PTPRG: variants seen among roughly 807,000 people sequenced by gnomAD.
The protein encoded by PTPRG is receptor-type tyrosine-protein phosphatase gamma.
PTPRG carries 102 observed loss-of-function variants against 165.3 expected under a neutral mutation model. The ratio of observed to expected loss-of-function variants is 0.62; its 90% CI spans 0.53 to 0.73. The LOEUF (loss-of-function observed/expected upper bound fraction) is 0.73. PTPRG is among the 30% of genes least tolerant of loss of function. The pLI is 0.00. For missense variants in PTPRG, 1,866 were observed against 1,861.4 expected (o/e 1.00, Z -0.05); for synonymous variants, 675 against 669.5 (o/e 1.01, Z -0.13).
intron 6 of PTPRG, among the ~76,000 whole-genome samples, chr3:62,149,499 C>T (rs1051761976): frequency 6.6e-6 from 1 of 152,148 alleles, no homozygotes; most frequent in African/African-American, 2.4e-5. Context: ...AACTCCTGAC[C>T]TCAGGTGACC....
chr3:62,087,401 C>T (rs924551197), intron 5 of PTPRG, among the ~76,000 whole-genome samples: 9 of 152,208 alleles, frequency 5.9e-5, no homozygotes, highest in African/African-American at 1.7e-4. Flanking sequence ...GTTCTTACCT[C>T]TCTTTCCTCC....
intron 2 of PTPRG, among the ~76,000 whole-genome samples, chr3:61,833,984 A>G (rs1008703435): frequency 9.9e-5 from 15 of 152,222 alleles, no homozygotes; most frequent in Non-Finnish European, 1.6e-4. Context: ...ATTGGCTTCA[A>G]TTAGTCACAG....
intron 6 of PTPRG, among the ~76,000 whole-genome samples, chr3:62,135,430 G>T (rs1180704718): frequency 1.3e-5 from 2 of 152,168 alleles, no homozygotes; most frequent in Non-Finnish European, 2.9e-5. Context: ...TGACAGAGAT[G>T]TGTAAAGAGA....
chr3:61,754,141 C>T (rs912844189), intron 2 of PTPRG, among the ~76,000 whole-genome samples: 14 of 152,266 alleles, frequency 9.2e-5, no homozygotes, highest in African/African-American at 3.4e-4. Flanking sequence ...GACCAAAATT[C>T]CCCGTAAGAC....
chr3:62,289,961 A>G (rs913525434), intron 28 of PTPRG, among the ~76,000 whole-genome samples: 3 of 152,140 alleles, frequency 2.0e-5, no homozygotes, highest in African/African-American at 7.2e-5. Flanking sequence ...GCAGATAAAG[A>G]TGTGGTCAAC....
intron 1 of PTPRG, among the ~76,000 whole-genome samples, chr3:61,577,698 C>G (rs532717683): frequency 3.2e-4 from 48 of 152,254 alleles, no homozygotes; most frequent in African/African-American, 1.0e-3. Context: ...TTTTATCGGA[C>G]GGCACTGGTC....
chr3:62,191,637 A>T lies in PTPRG; in HGVS notation c.1202A>T (p.Asp401Val). The change falls in exon 9 of 30, where the codon GAC (aspartate) becomes GTC (valine). Residue 401 changes from aspartate to valine, a missense_variant. This residue lies in a region of PTPRG where 1,452 missense variants were observed against 1,463.0 expected (regional missense o/e 0.99). Coordinates refer to ENST00000474889, the MANE Select transcript of PTPRG (RefSeq NM_002841.4). Reference protein sequence around the residue: ...EDEKEKTFTKDSDKDLKATIS... With the variant: ...EDEKEKTFTKVSDKDLKATIS... Reference sequence around the variant, plus strand: ...GAGAAGGAGAAGACGTTTACAAAGGACAGCGACAAAGACTTGGTATGAAGC... The same window carrying T: ...GAGAAGGAGAAGACGTTTACAAAGGTCAGCGACAAAGACTTGGTATGAAGC... The T allele has an allele frequency of 6.2e-7, 1 of 1,614,106 alleles. No individual in the cohort carries two copies. The highest frequency in any genetic ancestry group is 8.5e-7 in the Non-Finnish European group (1 of 1,179,984).
intron 1 of PTPRG, among the ~76,000 whole-genome samples, chr3:61,702,806 G>T (rs547098123): frequency 3.3e-5 from 5 of 152,164 alleles, no homozygotes; most frequent in Admixed American, 2.6e-4. Flanking sequence ...AAATTCACAC[G>T]TGATGTTGTG....
rs1699749984 is a variant in PTPRG at position 61,561,574 on chromosome 3, T to TTAC, written c.-712_-710dup. On this transcript the variant is annotated 5_prime_UTR_variant, in exon 1 of 30. Transcript: ENST00000474889. ...CTCTGCCAGGATCCATGCTCACATG[T>TTAC]TACTTCCTGTATGGAGGCATGGCCA... The TTAC allele has an allele frequency of 6.6e-6, 1 of 152,038 alleles. No individual in the cohort carries two copies. Among genetic ancestry groups the TTAC allele is most frequent in the Non-Finnish European group, 1.5e-5 (1 of 68,088 alleles). 9.4% of individuals were successfully genotyped at this position (152,038 alleles called of 1,614,324 possible). A position where few individuals can be genotyped will look rare whatever the true frequency, so the allele number is the denominator to read the frequency against.
intron 2 of PTPRG, among the ~76,000 whole-genome samples, chr3:61,917,284 C>A (rs1336712422): frequency 6.6e-6 from 1 of 152,202 alleles, no homozygotes; most frequent in Non-Finnish European, 1.5e-5. Context: ...GAATAATTCG[C>A]AGCATTTAGC....
rs36000751 is a variant in PTPRG at position 62,053,266 on chromosome 3, G to GTTTTTT, written c.520-24885_520-24880dup. 5.9e-3 allele frequency among the ~76,000 whole-genome samples: 775 copies of GTTTTTT among 130,880 alleles called. 11 individuals are homozygous for GTTTTTT. Among genetic ancestry groups the GTTTTTT allele is most frequent in the African/African-American group, 0.02 (708 of 35,472 alleles). The allele number at this position is 130,880 out of a possible 152,430, so 85.9% of individuals were successfully genotyped here. A position where few individuals can be genotyped will look rare whatever the true frequency, so the allele number is the denominator to read the frequency against. On this transcript the variant is annotated intron_variant, in intron 4 of 29. Coordinates refer to ENST00000474889, the MANE Select transcript of PTPRG (RefSeq NM_002841.4). Reference sequence around the variant, plus strand: ...TGTATTTTGAACTTCACTGCCTTGGGTTTTTTTTTTTTTTTTTGGAGACGG... The same window carrying GTTTTTT: ...TGTATTTTGAACTTCACTGCCTTGGGTTTTTTTTTTTTTTTTTTTTTTTGGAGACGG...
At chr3:61,625,162 A>G (rs1173381252) in intron 1 of PTPRG, among the ~76,000 whole-genome samples, 4 of 151,790 alleles carry the variant, frequency 2.6e-5, no homozygotes, top group African/African-American at 9.7e-5. Context: ...TAAGGACCCT[A>G]TCTCTAAGTA....
chr3:62,150,094 G>C (rs1704273863), intron 6 of PTPRG, among the ~76,000 whole-genome samples: 1 of 152,120 alleles, frequency 6.6e-6, no homozygotes, highest in African/African-American at 2.4e-5. Context: ...TGAAATTGCT[G>C]TTTGCAAAAC....
At chr3:61,945,574 A>AAAAAAAAAAAAAAAAAAAAAAAAAAAAAG in intron 2 of PTPRG, among the ~76,000 whole-genome samples, 1 of 151,134 alleles carries the variant, frequency 6.6e-6, no homozygotes, top group African/African-American at 2.4e-5. Flanking sequence ...AAAAAAAAAA[A>AAAAAAAAAAAAAAAAAAAAAAAAAAAAAG]AAAAAAAAAA....
At chr3:61,805,202 T>C (rs2035375214) in intron 2 of PTPRG, among the ~76,000 whole-genome samples, 3 of 152,262 alleles carry the variant, frequency 2.0e-5, no homozygotes. Context: ...TGGCAATGTT[T>C]GGAGACATTT....
chr3:62,167,867 C>A (rs1705054976), intron 7 of PTPRG, 104 bp from the exon 8 acceptor site: 1 of 1,188,140 alleles, frequency 8.4e-7, no homozygotes, highest in Admixed American at 1.9e-5. Context: ...CCGTTTCATG[C>A]TCTTATCACC....
At chr3:62,221,865 T>A (rs1700658858) in intron 13 of PTPRG, among the ~76,000 whole-genome samples, 2 of 152,248 alleles carry the variant, frequency 1.3e-5, no homozygotes, top group African/African-American at 4.8e-5. Flanking sequence ...AAAACTACAC[T>A]CAAGGTCTCT....
At chr3:61,967,735 G>C (rs2040302211) in intron 2 of PTPRG, among the ~76,000 whole-genome samples, 1 of 152,160 alleles carries the variant, frequency 6.6e-6, no homozygotes, top group Admixed American at 6.5e-5. Context: ...TTTCCTTGTT[G>C]GTTAAGACAG....
intron 2 of PTPRG, among the ~76,000 whole-genome samples, chr3:61,863,549 A>C (rs935991229): frequency 6.6e-6 from 1 of 152,326 alleles, no homozygotes; most frequent in African/African-American, 2.4e-5. Context: ...CAGGACAGGA[A>C]TTTGTAATGG....
Sources: allele counts gnomAD v4.1 joint callset (sites outside exome capture counted in the v4.1 genomes callset), GRCh38; gene constraint gnomAD v4.1.1; regional missense constraint gnomAD v4.1.1; transcripts MANE v1.5; gene names NCBI Gene and HGNC (gene_info 2026-07-23, HGNC 2026-07-21).